Variants in DPYD observed in about 807,000 individuals in gnomAD.
DPYD encodes the protein dihydropyrimidine dehydrogenase [NADP(+)].
Under a neutral mutation model 116.2 loss-of-function variants are expected in DPYD, and 109 were observed. The observed-to-expected ratio is 0.94, with a 90% CI of 0.80 to 1.10. DPYD has a LOEUF of 1.10. DPYD is among the 50% of genes least tolerant of loss of function. DPYD has a pLI of 0.00. For synonymous variants in DPYD, 440 were observed against 432.0 expected (o/e 1.02, Z -0.23); for missense variants, 1,302 against 1,254.5 (o/e 1.04, Z -0.57).
At chr1:97,820,924 A>AT (rs543008455) in intron 3 of DPYD, among the ~76,000 whole-genome samples, 1 of 151,940 alleles carries the variant, frequency 6.6e-6, no homozygotes. Flanking sequence ...TAGTATTTTT[A>AT]TTTTTTTTAT....
chr1:97,814,880 C>T (rs765968591), intron 3 of DPYD, among the ~76,000 whole-genome samples: 5 of 119,320 alleles, frequency 4.2e-5, no homozygotes, highest in East Asian at 2.7e-4. Context: ...CTACAGCCTA[C>T]GCGACAGAGT....
intron 3 of DPYD, among the ~76,000 whole-genome samples, chr1:97,790,771 A>G (rs1667281345): frequency 6.6e-6 from 1 of 152,188 alleles, no homozygotes; most frequent in African/African-American, 2.4e-5. Context: ...ATTACTAGAA[A>G]GACATTCTGT....
chr1:97,774,919 C>A (rs146254601), intron 3 of DPYD: 5 of 294,144 alleles, frequency 1.7e-5, no homozygotes, highest in South Asian at 3.7e-5. Flanking sequence ...AAATCATCAT[C>A]AATGATTTGC....
intron 12 of DPYD, among the ~76,000 whole-genome samples, chr1:97,532,921 T>TTG (rs1553190658): frequency 0.014 from 2,134 of 149,002 alleles, 31 homozygotes; most frequent in Middle Eastern, 0.028. Flanking sequence ...GTTTTTTTTT[T>TTG]TTGTTGTTGT....
intron 20 of DPYD, among the ~76,000 whole-genome samples, chr1:97,182,778 T>C (rs547641061): frequency 6.6e-6 from 1 of 152,140 alleles, no homozygotes; most frequent in Non-Finnish European, 1.5e-5. Context: ...AAAAATGTTA[T>C]CATAGATGGA....
intron 16 of DPYD, chr1:97,308,564 G>A (rs1335217179): frequency 6.6e-6 from 1 of 151,736 alleles, no homozygotes; most frequent in African/African-American, 2.4e-5. Context: ...CTAGAAATGT[G>A]GTGAGGTCAA....
At chr1:97,875,118 TGTTA>T (rs1671845034) in intron 2 of DPYD, among the ~76,000 whole-genome samples, 1 of 151,990 alleles carries the variant, frequency 6.6e-6, no homozygotes, top group Admixed American at 6.6e-5. Context: ...TTTTATTCTA[TGTTA>T]GTTACAATAC....
chr1:97,789,655 G>A (rs1343788912), intron 3 of DPYD, among the ~76,000 whole-genome samples: 2 of 151,886 alleles, frequency 1.3e-5, no homozygotes, highest in Non-Finnish European at 2.9e-5. Context: ...TTCCTTCCAA[G>A]CCCATATGAC....
At chr1:97,107,442 G>A (rs1651251292) in intron 20 of DPYD, among the ~76,000 whole-genome samples, 1 of 152,056 alleles carries the variant, frequency 6.6e-6, no homozygotes, top group South Asian at 2.1e-4. Flanking sequence ...AGATGATGAG[G>A]TAGGGGAGGT....
At chr1:97,508,052 T>C (rs1254880065) in intron 13 of DPYD, among the ~76,000 whole-genome samples, 4 of 152,020 alleles carry the variant, frequency 2.6e-5, no homozygotes, top group Non-Finnish European at 5.9e-5. Context: ...CCAGACATTG[T>C]TCTTGGCACT....
chr1:97,196,269 G>GT (rs1210658420), intron 19 of DPYD, among the ~76,000 whole-genome samples: 10 of 151,414 alleles, frequency 6.6e-5, no homozygotes, highest in Non-Finnish European at 1.5e-4. Flanking sequence ...TTGGGTAATT[G>GT]TTTTTGGTAT....
At chr1:97,544,590 T>C (rs981601667) in intron 12 of DPYD, among the ~76,000 whole-genome samples, 2 of 152,016 alleles carry the variant, frequency 1.3e-5, no homozygotes, top group African/African-American at 4.8e-5. Flanking sequence ...TATCTGCCAT[T>C]ACATGGAAGT....
chr1:97,197,844 T>C (rs1658921836), intron 19 of DPYD, among the ~76,000 whole-genome samples: 1 of 152,096 alleles, frequency 6.6e-6, no homozygotes, highest in Non-Finnish European at 1.5e-5. Context: ...TACAAGATAC[T>C]TACTGAGCAA....
chr1:97,460,132 AAAC>A lies in DPYD; in HGVS notation c.1741-9912_1741-9910del, dbSNP rs921197863. 2.6e-5 allele frequency among the ~76,000 whole-genome samples: 4 copies of A among 152,304 alleles called. No individual in the cohort carries two copies. The East Asian group carries it at 7.7e-4, about 29-fold the overall frequency. Reference sequence around the variant, plus strand: ...ATGCAATTTTTATAGTAAAAAATGAAAACAAACTTATTAAGCAGAAAAAAAGCA... The same window carrying A: ...ATGCAATTTTTATAGTAAAAAATGAAAAACTTATTAAGCAGAAAAAAAGCA... On this transcript the variant is annotated intron_variant, in intron 13 of 22. Coordinates refer to ENST00000370192, the MANE Select transcript of DPYD (RefSeq NM_000110.4).
intron 16 of DPYD, among the ~76,000 whole-genome samples, chr1:97,329,539 G>C (rs1425656486): frequency 6.6e-6 from 1 of 151,752 alleles, no homozygotes; most frequent in Non-Finnish European, 1.5e-5. Context: ...CTGAGGTCAG[G>C]AGTTCGAGAC....
intron 2 of DPYD, among the ~76,000 whole-genome samples, chr1:97,880,362 GTCT>G (rs1362238407): frequency 6.6e-6 from 1 of 151,698 alleles, no homozygotes; most frequent in Non-Finnish European, 1.5e-5. Context: ...TCCTACTTGG[GTCT>G]TTATGAATTG....
At chr1:97,634,409 C>G (rs1215660240) in intron 8 of DPYD, among the ~76,000 whole-genome samples, 2 of 151,850 alleles carry the variant, frequency 1.3e-5, no homozygotes, top group African/African-American at 4.8e-5. Flanking sequence ...GACACACTGG[C>G]TTTTATCAAA....
chr1:97,186,879 A>T (rs1034887426), intron 20 of DPYD, among the ~76,000 whole-genome samples: 1 of 152,136 alleles, frequency 6.6e-6, no homozygotes, highest in East Asian at 1.9e-4. Context: ...TTAAAAAAAT[A>T]AAAAAGAAAA....
chr1:97,151,920 T>C (rs1655056520), intron 20 of DPYD, among the ~76,000 whole-genome samples: 1 of 152,276 alleles, frequency 6.6e-6, no homozygotes, highest in South Asian at 2.1e-4. Flanking sequence ...TGGAACAGTT[T>C]TGAAGTAGTA....
Sources: allele counts gnomAD v4.1 joint callset (sites outside exome capture counted in the v4.1 genomes callset), GRCh38; gene constraint gnomAD v4.1.1; transcripts MANE v1.5; gene names NCBI Gene and HGNC (gene_info 2026-07-23, HGNC 2026-07-21).